The following ERP44 variants were observed in gnomAD, a reference collection of about 807,000 sequenced individuals.
The protein encoded by ERP44 is endoplasmic reticulum protein 44, also known as endoplasmic reticulum resident protein 44.
In ERP44, 25 loss-of-function variants were observed where a neutral mutation model predicts 53.4. That is an observed-to-expected ratio of 0.47 (90% CI 0.34 to 0.65). ERP44 has a LOEUF of 0.65. Among genes scored for constraint, ERP44 ranks in the 30% least tolerant of loss-of-function variants. The probability of loss-of-function intolerance (pLI) is 0.01; values close to 1 mark genes in which losing one functional copy is unlikely to be tolerated. For missense variants in ERP44, 338 were observed against 493.2 expected (o/e 0.69, Z 2.98); for synonymous variants, 145 against 161.2 (o/e 0.90, Z 0.76).
intron 1 of ERP44, 35 bp downstream of exon 1, chr9:100,098,749 G>A: frequency 6.3e-7 from 1 of 1,587,078 alleles, no homozygotes; most frequent in South Asian, 1.1e-5. Flanking sequence ...GGCCGTTCGT[G>A]CGTTTGTCGA....
chr9:100,096,614 G>A (rs1274993324), intron 1 of ERP44, among the ~76,000 whole-genome samples: 1 of 152,090 alleles, frequency 6.6e-6, no homozygotes, highest in African/African-American at 2.4e-5. Flanking sequence ...ATTTGAACAG[G>A]TCTAGTTCTT....
intron 10 of ERP44, among the ~76,000 whole-genome samples, chr9:99,995,091 TC>T (rs1231957292): frequency 1.3e-5 from 2 of 152,036 alleles, no homozygotes; most frequent in Non-Finnish European, 1.5e-5. Flanking sequence ...AGTTTTTTTT[TC>T]CCCCTCCTTT....
chr9:100,034,582 C>CA (rs1825829500), intron 4 of ERP44, among the ~76,000 whole-genome samples: 1 of 151,518 alleles, frequency 6.6e-6, no homozygotes, highest in Non-Finnish European at 1.5e-5. Flanking sequence ...AACAAAAAAA[C>CA]AAAAAACAAA....
rs952430984 is a variant in ERP44, at chr9:99,995,881, A to G, written c.1016+10625T>C. On this transcript the variant is annotated intron_variant, in intron 10 of 11. Coordinates refer to ENST00000262455, the MANE Select transcript of ERP44 (RefSeq NM_015051.3). ...CAGATTGATTTCCTATCTTTTGGAT[A>G]GATACCCAGTAGTGGGATTGCTGGA... Among the ~76,000 whole-genome samples, 3 of 149,832 alleles carry G rather than the reference A, an allele frequency of 2.0e-5. No individual in the cohort carries two copies. The East Asian group carries it at 5.9e-4, about 29-fold the overall frequency.
At chr9:100,009,568 C>T (rs1040568402) in intron 8 of ERP44, among the ~76,000 whole-genome samples, 1 of 151,898 alleles carries the variant, frequency 6.6e-6, no homozygotes, top group Non-Finnish European at 1.5e-5. Flanking sequence ...TTTTTCTTCC[C>T]CCATCCATTA....
chr9:100,068,233 C>A (rs1429391112), intron 1 of ERP44, among the ~76,000 whole-genome samples: 4 of 144,704 alleles, frequency 2.8e-5, no homozygotes, highest in Non-Finnish European at 6.1e-5. Context: ...CCCGGCCAGC[C>A]GCCCCGTACG....
intron 1 of ERP44, among the ~76,000 whole-genome samples, chr9:100,092,426 G>C (rs1450754961): frequency 6.6e-6 from 1 of 152,148 alleles, no homozygotes; most frequent in Admixed American, 6.5e-5. Flanking sequence ...ACTACACAAA[G>C]AATCATTGAA....
chr9:100,027,140 G>A (rs1021753552), intron 4 of ERP44, among the ~76,000 whole-genome samples: 2 of 152,164 alleles, frequency 1.3e-5, no homozygotes, highest in Admixed American at 6.5e-5. Context: ...CTGTAGAGCT[G>A]GGCTTTCAAA....
At chr9:100,092,411 G>C (rs74667102) in intron 1 of ERP44, among the ~76,000 whole-genome samples, 1 of 152,256 alleles carries the variant, frequency 6.6e-6, no homozygotes, top group Admixed American at 6.5e-5. Context: ...TTGAAAATAA[G>C]ATAGACTACA....
At chr9:100,044,627 A>C (rs1331600387) in intron 4 of ERP44, among the ~76,000 whole-genome samples, 2 of 152,230 alleles carry the variant, frequency 1.3e-5, no homozygotes, top group Admixed American at 1.3e-4. Context: ...AAGGTCATTT[A>C]TTACAGTGAA....
At chr9:100,057,686 ATGAAACTTAAT>A (rs1208954164) in intron 3 of ERP44, 123 bp downstream of exon 3, 2 of 674,418 alleles carry the variant, frequency 3.0e-6, no homozygotes, top group Non-Finnish European at 5.2e-6. Context: ...TCCCTTGTGG[ATGAAACTTAAT>A]TGACTTTATG....
intron 1 of ERP44, among the ~76,000 whole-genome samples, chr9:100,083,365 C>T (rs1826447949): frequency 6.6e-6 from 1 of 151,908 alleles, no homozygotes; most frequent in Non-Finnish European, 1.5e-5. Context: ...AATGGAAAGA[C>T]CTCCAAAATA....
At chr9:100,062,709 T>C (rs997684287) in intron 1 of ERP44, among the ~76,000 whole-genome samples, 1 of 152,224 alleles carries the variant, frequency 6.6e-6, no homozygotes, top group Non-Finnish European at 1.5e-5. Context: ...TATTCTGAAA[T>C]ATTTTTGAAG....
chr9:99,991,733 T>G (rs1830258527), intron 10 of ERP44, among the ~76,000 whole-genome samples: 2 of 152,134 alleles, frequency 1.3e-5, no homozygotes, highest in African/African-American at 4.8e-5. Flanking sequence ...AGGAGCTGGT[T>G]TTTTGAAAAG....
intron 10 of ERP44, among the ~76,000 whole-genome samples, chr9:99,986,038 A>C (rs1830193437): frequency 6.6e-6 from 1 of 152,226 alleles, no homozygotes; most frequent in South Asian, 2.1e-4. Context: ...AATCTGCAGC[A>C]CAGAAACAAT....
chr9:100,059,867 T>A (rs1826124257), intron 2 of ERP44, among the ~76,000 whole-genome samples: 1 of 152,180 alleles, frequency 6.6e-6, no homozygotes, highest in Non-Finnish European at 1.5e-5. Context: ...AGTAGGCTTA[T>A]CAAAACATTT....
At chr9:100,053,980 C>G (rs964486713) in intron 3 of ERP44, among the ~76,000 whole-genome samples, 2 of 152,178 alleles carry the variant, frequency 1.3e-5, no homozygotes, top group Non-Finnish European at 2.9e-5. Context: ...AGGATGCAAA[C>G]ATTATACTTC....
chr9:100,061,982 G>C (rs1399365924), intron 1 of ERP44, among the ~76,000 whole-genome samples: 1 of 152,008 alleles, frequency 6.6e-6, no homozygotes, highest in East Asian at 1.9e-4. Context: ...CCCTAAAACA[G>C]GTCATAAAAT....
intron 1 of ERP44, among the ~76,000 whole-genome samples, chr9:100,084,427 T>A (rs935753302): frequency 1.6e-4 from 25 of 152,340 alleles, no homozygotes; most frequent in African/African-American, 5.1e-4. Flanking sequence ...GTGTATACTT[T>A]TAAATGATTT....
Sources: gnomAD v4.1 joint callset for allele counts (sites outside exome capture counted in the v4.1 genomes callset) on GRCh38, gnomAD v4.1.1 for gene constraint, MANE v1.5 for transcripts, NCBI Gene and HGNC (gene_info 2026-07-23, HGNC 2026-07-21) for gene names.